The following BIN3 variants were observed in gnomAD, a reference collection of about 807,000 sequenced individuals.
BIN3 encodes bridging integrator 3.
BIN3 carries 41 observed loss-of-function variants against 38.2 expected under a neutral mutation model. The observed-to-expected ratio is 1.07, with a 90% CI of 0.84 to 1.39. BIN3 has a LOEUF of 1.39. Ranked by LOEUF, BIN3 falls within the 40% of genes most tolerant of loss-of-function variation. BIN3 has a pLI of 0.00. For synonymous variants in BIN3, 145 were observed against 122.6 expected, an observed-to-expected ratio of 1.18 and a Z score of -1.21; for missense variants, 361 against 324.3, an observed-to-expected ratio of 1.11 and a Z score of -0.87.
intron 6 of BIN3, 73 bp downstream of exon 6, chr8:22,629,891 C>T: frequency 7.1e-7 from 1 of 1,409,844 alleles, no homozygotes; most frequent in Non-Finnish European, 9.8e-7. Context: ...TAGAAATCCT[C>T]TTCAGTCCCC....
intron 1 of BIN3, among the ~76,000 whole-genome samples, chr8:22,647,529 C>T (rs556083076): frequency 6.6e-6 from 1 of 152,310 alleles, no homozygotes; most frequent in South Asian, 2.1e-4. Context: ...ACTCTTTTCA[C>T]ATGAATTTGT....
chr8:22,651,176 C>A (rs1285212257), intron 1 of BIN3, among the ~76,000 whole-genome samples: 1 of 151,588 alleles, frequency 6.6e-6, no homozygotes, highest in Non-Finnish European at 1.5e-5. Flanking sequence ...AACATGCATA[C>A]TTTTTTTTTA....
intron 1 of BIN3, among the ~76,000 whole-genome samples, chr8:22,650,944 T>C (rs1233795536): frequency 1.3e-5 from 2 of 152,246 alleles, no homozygotes; most frequent in Admixed American, 6.5e-5. Context: ...GAGGATATTG[T>C]GAGTTTTCTT....
intron 2 of BIN3, among the ~76,000 whole-genome samples, chr8:22,643,175 T>A (rs571267246): frequency 9.2e-5 from 14 of 152,318 alleles, no homozygotes; most frequent in African/African-American, 2.6e-4. Flanking sequence ...AAGCCACACC[T>A]TCCCACTTCC....
At chr8:22,644,306 T>C (rs149472531) in intron 2 of BIN3, among the ~76,000 whole-genome samples, 11 of 152,222 alleles carry the variant, frequency 7.2e-5, no homozygotes, top group African/African-American at 2.2e-4. Flanking sequence ...AAGAATGCAT[T>C]TGGAAGTTGA....
chr8:22,667,942 TTC>T (rs531585189), intron 1 of BIN3, among the ~76,000 whole-genome samples: 26 of 152,348 alleles, frequency 1.7e-4, no homozygotes, highest in Admixed American at 7.8e-4. Flanking sequence ...CTGAAGGACA[TTC>T]TGTTATCTTA....
At chr8:22,656,671 C>G (rs2117587373) in intron 1 of BIN3, among the ~76,000 whole-genome samples, 1 of 152,272 alleles carries the variant, frequency 6.6e-6, no homozygotes, top group Admixed American at 6.5e-5. Context: ...AGCAGCTATT[C>G]TTGATTTCAG....
intron 1 of BIN3, among the ~76,000 whole-genome samples, chr8:22,663,207 AGT>A (rs3220194): frequency 0.25 from 37,381 of 150,096 alleles, 5,097 homozygotes; most frequent in East Asian, 0.43. Flanking sequence ...TTCAAGTATA[AGT>A]GTGTGTGTGT....
intron 4 of BIN3, among the ~76,000 whole-genome samples, chr8:22,635,794 C>A (rs1209901777): frequency 6.6e-6 from 1 of 152,176 alleles, no homozygotes; most frequent in Non-Finnish European, 1.5e-5. Context: ...AAAGTCAAGG[C>A]CTTGGAGAAA....
intron 8 of BIN3, among the ~76,000 whole-genome samples, chr8:22,623,103 C>T (rs1179202428): frequency 2.0e-5 from 3 of 152,216 alleles, no homozygotes; most frequent in Admixed American, 1.3e-4. Flanking sequence ...GGGGCAGAGC[C>T]ACAGGGACCT....
intron 8 of BIN3, among the ~76,000 whole-genome samples, chr8:22,622,868 C>G (rs1801870518): frequency 6.6e-6 from 1 of 152,232 alleles, no homozygotes; most frequent in African/African-American, 2.4e-5. Context: ...GGTCTCACTG[C>G]CCCCTAAAGA....
chr8:22,655,769 AGT>A (rs1410496202), intron 1 of BIN3, among the ~76,000 whole-genome samples: 4 of 152,084 alleles, frequency 2.6e-5, no homozygotes, highest in African/African-American at 9.7e-5. Context: ...CGTGAATTTT[AGT>A]GGTTTATTTT....
chr8:22,621,536 A>AC lies in BIN3; in HGVS notation c.647_648insG (p.Phe216LeufsTer9), dbSNP rs1801817567. ...GGTCAAGCTGATGGGACAGGTCTCC[A>AC]AAGATCTTGTGCATTTCCGAGTAGT... On this transcript the variant is annotated frameshift_variant, in exon 9 of 9. Coordinates refer to ENST00000276416, the MANE Select transcript of BIN3 (RefSeq NM_018688.6). LOFTEE classifies it high-confidence loss of function. 6.2e-7 allele frequency: 1 copy of AC among 1,613,792 alleles called. No individual in the cohort carries two copies. Among genetic ancestry groups the AC allele is most frequent in the East Asian group, 2.2e-5 (1 of 44,888 alleles).
At chr8:22,630,714 C>T (rs1295075828) in intron 4 of BIN3, 136 bp from the exon 5 acceptor site, 9 of 926,334 alleles carry the variant, frequency 9.7e-6, no homozygotes, top group Admixed American at 2.7e-5. Flanking sequence ...TCAAGAACGG[C>T]GAAGTACCAC....
chr8:22,630,826 G>A lies in BIN3; in HGVS notation c.161-248C>T, dbSNP rs185373356. Reference sequence around the variant, plus strand: ...CCGCTTTACCTGTTCTCCAAACCCTGGGTTAGAAAAGGACCATCTGGGTGG... The same window carrying A: ...CCGCTTTACCTGTTCTCCAAACCCTAGGTTAGAAAAGGACCATCTGGGTGG... On this transcript the variant is annotated intron_variant, in intron 4 of 8. Coordinates refer to ENST00000276416, the MANE Select transcript of BIN3 (RefSeq NM_018688.6). Among the ~76,000 whole-genome samples the A allele has an allele frequency of 4.6e-5, 7 of 152,254 alleles. No homozygotes were observed. The East Asian group carries it at 1.4e-3, about 29-fold the overall frequency.
At chr8:22,623,883 AAGC>A (rs1801920483) in intron 8 of BIN3, 29 bp downstream of exon 8, 2 of 1,606,286 alleles carry the variant, frequency 1.2e-6, no homozygotes, top group East Asian at 4.5e-5. Context: ...TGTGTATACC[AAGC>A]CCAGGGGAAG....
chr8:22,650,767 T>C (rs1802866223), intron 1 of BIN3, among the ~76,000 whole-genome samples: 1 of 152,248 alleles, frequency 6.6e-6, no homozygotes, highest in African/African-American at 2.4e-5. Flanking sequence ...ACTAAAAATC[T>C]ACTTTAGCTA....
intron 1 of BIN3, among the ~76,000 whole-genome samples, chr8:22,655,679 T>C (rs1453085492): frequency 2.0e-5 from 3 of 152,238 alleles, no homozygotes; most frequent in African/African-American, 7.2e-5. Context: ...CTTTGTAGTA[T>C]TAAGACTGGG....
intron 1 of BIN3, among the ~76,000 whole-genome samples, chr8:22,650,158 T>C (rs1238246322): frequency 6.6e-6 from 1 of 152,160 alleles, no homozygotes; most frequent in East Asian, 1.9e-4. Context: ...AAAACTCCAA[T>C]AGGTAAATCT....
Sources: gnomAD v4.1 joint callset for allele counts (sites outside exome capture counted in the v4.1 genomes callset) on GRCh38, gnomAD v4.1.1 for gene constraint, MANE v1.5 for transcripts, NCBI Gene and HGNC (gene_info 2026-07-23, HGNC 2026-07-21) for gene names.